Variants in ZNF385D observed in about 807,000 individuals in gnomAD.
ZNF385D encodes the protein zinc finger protein 385D, also known as zinc finger protein 659.
A neutral mutation model predicts 35.8 loss-of-function variants in ZNF385D; 15 were observed. The ratio of observed to expected loss-of-function variants is 0.42; its 90% confidence interval spans 0.28 to 0.64. ZNF385D has a LOEUF of 0.64. Ranked by LOEUF, ZNF385D falls within the 30% of genes least tolerant of loss-of-function variation. The probability of loss-of-function intolerance (pLI) is 0.23; values close to 1 mark genes in which losing one functional copy is unlikely to be tolerated. For missense variants in ZNF385D, 474 were observed against 494.6 expected (o/e 0.96, Z 0.39); for synonymous variants, 212 against 186.8 (o/e 1.13, Z -1.10).
chr3:22,112,507 T>C (rs146144807), intron 3 of ZNF385D, among the ~76,000 whole-genome samples: 104 of 152,294 alleles, frequency 6.8e-4, no homozygotes, highest in Non-Finnish European at 8.1e-4. Flanking sequence ...AGCAAAATTA[T>C]ATTTATCAAT....
At chr3:22,218,953 T>C (rs1698070629) in intron 2 of ZNF385D, among the ~76,000 whole-genome samples, 1 of 152,134 alleles carries the variant, frequency 6.6e-6, no homozygotes, top group African/African-American at 2.4e-5. Context: ...TCTATTCTAC[T>C]TATTCACACT....
chr3:22,048,278 A>C (rs12107876), intron 3 of ZNF385D, among the ~76,000 whole-genome samples: 2,457 of 151,884 alleles, frequency 0.016, 77 homozygotes, highest in African/African-American at 0.057. Context: ...AAAAAAGCCT[A>C]TTTTTCCTTT....
rs377529346 is a variant in ZNF385D, at chr3:21,816,228, G to A, written c.326-151200C>T. ...ACAAATCCACAGCCAATATCATACC[G>A]AATGAGCAAAAACTGGAAGCATTCC... On this transcript the variant is annotated intron_variant, in intron 3 of 5. Coordinates refer to the ZNF385D transcript ENST00000494108. Among the ~76,000 whole-genome samples, 65 of 152,212 alleles carry A rather than the reference G, an allele frequency of 4.3e-4. No individual in the cohort carries two copies. The East Asian group carries it at 5.0e-3, about 12-fold the overall frequency.
chr3:22,263,938 G>A (rs1011868417), intron 2 of ZNF385D, among the ~76,000 whole-genome samples: 1 of 151,870 alleles, frequency 6.6e-6, no homozygotes, highest in Non-Finnish European at 1.5e-5. Context: ...TGCCTTAAAA[G>A]GTTAAAAATT....
intron 3 of ZNF385D, among the ~76,000 whole-genome samples, chr3:21,855,487 C>T (rs1476689242): frequency 6.6e-6 from 1 of 151,984 alleles, no homozygotes; most frequent in African/African-American, 2.4e-5. Context: ...TGTTTTAATC[C>T]AGTGAGTCTA....
intron 3 of ZNF385D, among the ~76,000 whole-genome samples, chr3:22,120,860 T>C (rs1359164073): frequency 6.6e-6 from 1 of 152,124 alleles, no homozygotes; most frequent in Non-Finnish European, 1.5e-5. Flanking sequence ...TATTTTTAAA[T>C]GAGTACAATA....
In ZNF385D at chr3:21,980,440, T is replaced by A. The variant is rs552909602; in HGVS notation, c.325+188377A>T. ...TAATGCAACGTAATAATGTAGATAA[T>A]GAGTAATAGTAGCATTGAAGTGAAA... On this transcript the variant is annotated intron_variant, in intron 3 of 5. Transcript: ENST00000494108. 2.0e-5 allele frequency among the ~76,000 whole-genome samples: 3 copies of A among 152,274 alleles called. No homozygotes were observed. In the East Asian group the frequency reaches 5.8e-4, roughly 29 times the overall value.
intron 3 of ZNF385D, among the ~76,000 whole-genome samples, chr3:21,887,932 T>G (rs1242699451): frequency 6.6e-6 from 1 of 152,118 alleles, no homozygotes; most frequent in Non-Finnish European, 1.5e-5. Flanking sequence ...ACATGTCCAT[T>G]GAAATAATAT....
chr3:22,124,856 A>T (rs55845584), intron 3 of ZNF385D, among the ~76,000 whole-genome samples: 24,729 of 152,042 alleles, frequency 0.16, 2,614 homozygotes, highest in Middle Eastern at 0.25. Flanking sequence ...ATTGTTTCCC[A>T]TACTGTGCGT....
rs561105283 is a variant in ZNF385D, at chr3:21,621,737, A to G, written c.165+43149T>C. ...TTAGCTACTAAGGAAAAATGAATGT[A>G]ACCTATTATCTTCTGAGATACTCAA... On this transcript the variant is annotated intron_variant, in intron 2 of 7. Transcript: ENST00000281523. 4.6e-5 allele frequency among the ~76,000 whole-genome samples: 7 copies of G among 152,192 alleles called. No homozygotes were observed. In the South Asian group the frequency reaches 1.4e-3, roughly 32 times the overall value.
chr3:22,243,241 A>C (rs1193679692), intron 2 of ZNF385D, among the ~76,000 whole-genome samples: 1 of 151,138 alleles, frequency 6.6e-6, no homozygotes, highest in Non-Finnish European at 1.5e-5. Context: ...TCTCCAAGAC[A>C]TATATAAACA....
intron 4 of ZNF385D, among the ~76,000 whole-genome samples, chr3:21,447,934 C>T (rs1236759773): frequency 6.6e-6 from 1 of 152,080 alleles, no homozygotes; most frequent in Non-Finnish European, 1.5e-5. Flanking sequence ...ATAAAGGGTG[C>T]AATGATAAAA....
At chr3:22,049,343 T>C (rs1275923277) in intron 3 of ZNF385D, among the ~76,000 whole-genome samples, 1 of 102,816 alleles carries the variant, frequency 9.7e-6, no homozygotes, top group East Asian at 3.3e-4. Flanking sequence ...AAATAAAAAA[T>C]GCGGTTAATT....
At chr3:21,579,103 A>G (rs929078305) in intron 2 of ZNF385D, 33 of 152,148 alleles carry the variant, frequency 2.2e-4, no homozygotes, top group Admixed American at 2.1e-3. Flanking sequence ...TGTCTATGAT[A>G]CCTATTGCCA....
intron 3 of ZNF385D, among the ~76,000 whole-genome samples, chr3:21,765,591 G>T (rs1302710142): frequency 6.6e-6 from 1 of 151,922 alleles, no homozygotes; most frequent in East Asian, 1.9e-4. Context: ...CCAGTAGGTA[G>T]TAGAGACTCA....
chr3:21,809,166 G>C (rs2072791003), intron 3 of ZNF385D, among the ~76,000 whole-genome samples: 3 of 152,066 alleles, frequency 2.0e-5, no homozygotes, highest in African/African-American at 7.2e-5. Flanking sequence ...AATTAGCTAA[G>C]AAGGATTTTA....
At chr3:22,252,496 A>C (rs1306296516) in intron 2 of ZNF385D, among the ~76,000 whole-genome samples, 1 of 152,082 alleles carries the variant, frequency 6.6e-6, no homozygotes, top group Admixed American at 6.6e-5. Flanking sequence ...CAAAGATATG[A>C]GCAGAGTTCA....
At chr3:22,356,039 C>A (rs960687798) in intron 2 of ZNF385D, among the ~76,000 whole-genome samples, 5 of 151,852 alleles carry the variant, frequency 3.3e-5, no homozygotes, top group Non-Finnish European at 5.9e-5. Flanking sequence ...TGTAAAAAAC[C>A]TATGCAGAAA....
intron 3 of ZNF385D, among the ~76,000 whole-genome samples, chr3:22,086,939 G>T (rs553769325): frequency 4.6e-5 from 7 of 152,016 alleles, no homozygotes; most frequent in African/African-American, 7.2e-5. Context: ...GTCGTGGGGT[G>T]GGGGGAGAGG....
Sources: allele counts gnomAD v4.1 joint callset (sites outside exome capture counted in the v4.1 genomes callset), GRCh38; gene constraint gnomAD v4.1.1; transcripts MANE v1.5; gene names NCBI Gene and HGNC (gene_info 2026-07-23, HGNC 2026-07-21).